Variants in SNX29 observed in about 807,000 individuals in gnomAD.
SNX29 encodes the protein sorting nexin 29.
SNX29 carries 78 observed loss-of-function variants against 102.1 expected under a neutral mutation model. The ratio of observed to expected loss-of-function variants is 0.76; its 90% CI spans 0.64 to 0.92. SNX29 has a LOEUF of 0.92. SNX29 is among the 40% of genes least tolerant of loss of function. SNX29 has a pLI of 0.00. For missense variants in SNX29, 1,280 were observed against 1,061.7 expected, an observed-to-expected ratio of 1.21 and a Z score of -2.86; for synonymous variants, 580 against 414.5, an observed-to-expected ratio of 1.40 and a Z score of -4.85.
At chr16:12,549,816 T>C (rs1025111870) in intron 20 of SNX29, among the ~76,000 whole-genome samples, 5 of 152,246 alleles carry the variant, frequency 3.3e-5, no homozygotes, top group Non-Finnish European at 4.4e-5. Flanking sequence ...TTCTGTGCCC[T>C]GTGTGGCCAG....
intron 17 of SNX29, among the ~76,000 whole-genome samples, chr16:12,399,624 C>T (rs1331820543): frequency 1.3e-5 from 2 of 152,066 alleles, no homozygotes; most frequent in Non-Finnish European, 2.9e-5. Flanking sequence ...ATTTGTGAGG[C>T]GAAGGTCCTG....
At chr16:12,179,637 C>T (rs1221047730) in intron 13 of SNX29, among the ~76,000 whole-genome samples, 1 of 152,134 alleles carries the variant, frequency 6.6e-6, no homozygotes. Context: ...TAATGCTTTC[C>T]ACCAGTTCTC....
chr16:12,513,627 A>C (rs561509245), intron 19 of SNX29, among the ~76,000 whole-genome samples: 3 of 152,168 alleles, frequency 2.0e-5, no homozygotes, highest in African/African-American at 4.8e-5. Flanking sequence ...TGCCCCGCTG[A>C]TTGGCCCAGA....
intron 19 of SNX29, among the ~76,000 whole-genome samples, chr16:12,490,774 A>T (rs779362452): frequency 6.6e-6 from 1 of 152,252 alleles, no homozygotes; most frequent in Non-Finnish European, 1.5e-5. Flanking sequence ...CACCTAAAAA[A>T]TTATTAGGAA....
At chr16:12,496,892 A>C (rs1363828100) in intron 19 of SNX29, among the ~76,000 whole-genome samples, 1 of 151,888 alleles carries the variant, frequency 6.6e-6, no homozygotes, top group Admixed American at 6.5e-5. Flanking sequence ...GGGAGGGGAA[A>C]GCATGAGCAA....
intron 20 of SNX29, among the ~76,000 whole-genome samples, chr16:12,566,839 A>C (rs991864776): frequency 6.6e-6 from 1 of 152,224 alleles, no homozygotes. Flanking sequence ...GTTCAAGGTC[A>C]AATGTTTCTT....
intron 3 of SNX29, 97 bp downstream of exon 3, chr16:12,003,140 G>A (rs1337789071): frequency 6.9e-7 from 1 of 1,447,240 alleles, no homozygotes; most frequent in Non-Finnish European, 9.7e-7. Context: ...GGTTGGAAAG[G>A]CGGCAGAAGG....
intron 20 of SNX29, chr16:12,526,723 C>G (rs936464798): frequency 4.2e-6 from 2 of 470,766 alleles, no homozygotes; most frequent in African/African-American, 1.9e-5. Flanking sequence ...TCCTAAGATA[C>G]TCCTGATGCT....
At chr16:12,075,550 G>A (rs536736270) in intron 10 of SNX29, among the ~76,000 whole-genome samples, 10 of 152,292 alleles carry the variant, frequency 6.6e-5, no homozygotes, top group South Asian at 6.2e-4. Flanking sequence ...GTACCCAGCC[G>A]TGTGAGGTGT....
intron 20 of SNX29, among the ~76,000 whole-genome samples, chr16:12,562,852 C>T (rs143885162): frequency 3.3e-5 from 5 of 152,290 alleles, no homozygotes; most frequent in South Asian, 2.1e-4. Context: ...GGCAACCCGA[C>T]AGCTCCCGGT....
intron 20 of SNX29, among the ~76,000 whole-genome samples, chr16:12,545,990 G>C (rs1028741239): frequency 1.3e-5 from 2 of 152,104 alleles, no homozygotes; most frequent in African/African-American, 4.8e-5. Context: ...ACTGTAGTTT[G>C]AACACCTGGA....
intron 19 of SNX29, among the ~76,000 whole-genome samples, chr16:12,504,506 C>G (rs1328043279): frequency 1.3e-5 from 2 of 152,164 alleles, no homozygotes; most frequent in Non-Finnish European, 2.9e-5. Context: ...GCACTGTGAA[C>G]TCTTGTGTGT....
chr16:12,265,889 CAAA>C (rs1480957418), intron 14 of SNX29, among the ~76,000 whole-genome samples: 28 of 151,528 alleles, frequency 1.8e-4, no homozygotes, highest in Admixed American at 1.8e-3. Flanking sequence ...CACCCTGTCT[CAAA>C]AAAAGAAAAC....
chr16:12,491,504 G>A (rs377508753), intron 19 of SNX29, among the ~76,000 whole-genome samples: 76 of 111,288 alleles, frequency 6.8e-4, no homozygotes, highest in African/African-American at 2.8e-3. Flanking sequence ...TTTTGTTGCT[G>A]CTGTTGTTTT....
At chr16:12,458,849 C>T (rs1296844458) in intron 18 of SNX29, among the ~76,000 whole-genome samples, 2 of 152,220 alleles carry the variant, frequency 1.3e-5, no homozygotes, top group Non-Finnish European at 2.9e-5. Flanking sequence ...GAGAAAACTA[C>T]CCAGATACTG....
At chr16:12,360,715 A>C (rs1372137837) in intron 16 of SNX29, among the ~76,000 whole-genome samples, 1 of 150,084 alleles carries the variant, frequency 6.7e-6, no homozygotes, top group Non-Finnish European at 1.5e-5. Context: ...CTAATTCCTG[A>C]CAGCTCCAAG....
At position 12,534,267 on chromosome 16, in the gene SNX29, G is replaced by A. The variant is rs1012279204; in HGVS notation, c.2318+9426G>A. Among the ~76,000 whole-genome samples, 6 of 152,224 alleles carry A rather than the reference G, an allele frequency of 3.9e-5. No homozygotes were observed. In the South Asian group the frequency reaches 1.2e-3, roughly 31 times the overall value. ...GTCTGCTCAGTGCCCAAGCACCGCC[G>A]GCACACCTGCCGTCTTTCTCCGTGT... On this transcript the variant is annotated intron_variant, in intron 20 of 20. Transcript: ENST00000566228.
rs1567457784 is a variant in SNX29, at chr16:12,342,802, C to T, written c.1783-13361C>T. Among the ~76,000 whole-genome samples, 4 of 152,302 alleles carry T rather than the reference C, an allele frequency of 2.6e-5. No homozygotes were observed. In the South Asian group the frequency reaches 8.3e-4, roughly 32 times the overall value. On this transcript the variant is annotated intron_variant, in intron 15 of 20. Transcript: ENST00000566228. ...GGCCGTCCAGCTCCAAGTTCATCCC[C>T]CAGACCAGTACCCCACAGTGCTCGC...
chr16:12,282,734 C>A (rs2079474495), intron 15 of SNX29, among the ~76,000 whole-genome samples: 1 of 152,228 alleles, frequency 6.6e-6, no homozygotes, highest in Non-Finnish European at 1.5e-5. Context: ...CAGCTCACTG[C>A]AACCTCCCCC....
Sources: allele counts gnomAD v4.1 joint callset (sites outside exome capture counted in the v4.1 genomes callset), GRCh38; gene constraint gnomAD v4.1.1; transcripts MANE v1.5; gene names NCBI Gene and HGNC (gene_info 2026-07-23, HGNC 2026-07-21).